STX8: variants seen among roughly 807,000 people sequenced by gnomAD.
STX8 encodes syntaxin 8.
In STX8, 23 loss-of-function variants were observed where a neutral mutation model predicts 37.5. The ratio of observed to expected loss-of-function variants is 0.61; its 90% CI spans 0.44 to 0.87. The LOEUF (loss-of-function observed/expected upper bound fraction) is 0.87. Among genes scored for constraint, STX8 ranks in the 40% least tolerant of loss-of-function variants. The probability of loss-of-function intolerance (pLI) is 0.00; values close to 1 mark genes in which losing one functional copy is unlikely to be tolerated. For missense variants in STX8, 313 were observed against 284.7 expected, an observed-to-expected ratio of 1.10 and a Z score of -0.71; for synonymous variants, 115 against 99.1, an observed-to-expected ratio of 1.16 and a Z score of -0.95.
intron 7 of STX8, among the ~76,000 whole-genome samples, chr17:9,331,620 T>C (rs1034806080): frequency 1.3e-5 from 2 of 152,216 alleles, no homozygotes; most frequent in Non-Finnish European, 2.9e-5. Context: ...AATCAATGAA[T>C]TGGACGTTTC....
At chr17:9,434,270 T>C (rs913869825) in intron 6 of STX8, among the ~76,000 whole-genome samples, 2 of 152,220 alleles carry the variant, frequency 1.3e-5, no homozygotes, top group African/African-American at 4.8e-5. Context: ...CCCAAAGTGC[T>C]GGGATTACAG....
chr17:9,527,487 C>A (rs187784682), intron 4 of STX8, among the ~76,000 whole-genome samples: 14 of 152,096 alleles, frequency 9.2e-5, no homozygotes, highest in Non-Finnish European at 2.1e-4. Context: ...TAAAATACAG[C>A]GTGATTAGGT....
chr17:9,502,955 A>C (rs951840899), intron 5 of STX8, among the ~76,000 whole-genome samples: 2 of 151,886 alleles, frequency 1.3e-5, no homozygotes, highest in Non-Finnish European at 2.9e-5. Context: ...ATACAAAAAA[A>C]ATTAGCTGGG....
chr17:9,346,749 C>T (rs1309352235), intron 7 of STX8, among the ~76,000 whole-genome samples: 1 of 152,204 alleles, frequency 6.6e-6, no homozygotes, highest in East Asian at 1.9e-4. Context: ...ATAGGGGTGG[C>T]TACACTGAAT....
intron 4 of STX8, among the ~76,000 whole-genome samples, chr17:9,517,246 G>A (rs898105361): frequency 6.6e-6 from 1 of 151,964 alleles, no homozygotes; most frequent in Admixed American, 6.6e-5. Flanking sequence ...TGTCTCCCAC[G>A]CTAGACTATA....
chr17:9,430,012 TTA>T (rs1913873088), intron 6 of STX8, among the ~76,000 whole-genome samples: 1 of 23,672 alleles, frequency 4.2e-5, no homozygotes, highest in South Asian at 1.0e-3. Context: ...ATATTATATA[TTA>T]TATATTATAT....
At chr17:9,447,453 T>G (rs577035943) in intron 6 of STX8, among the ~76,000 whole-genome samples, 3 of 152,336 alleles carry the variant, frequency 2.0e-5, no homozygotes, top group East Asian at 3.9e-4. Context: ...GACAGAGTCT[T>G]GCTCTGTTGC....
At chr17:9,412,650 A>G (rs1913023603) in intron 6 of STX8, among the ~76,000 whole-genome samples, 1 of 152,166 alleles carries the variant, frequency 6.6e-6, no homozygotes, top group African/African-American at 2.4e-5. Flanking sequence ...GAAGTTACTC[A>G]TGTGCATTCC....
chr17:9,542,004 A>T (rs979402110), intron 4 of STX8, among the ~76,000 whole-genome samples: 3 of 144,146 alleles, frequency 2.1e-5, no homozygotes, highest in Non-Finnish European at 4.5e-5. Flanking sequence ...AAACATTTGT[A>T]TTTTTTTTTT....
chr17:9,439,927 T>C (rs1006411204), intron 6 of STX8, among the ~76,000 whole-genome samples: 1 of 152,048 alleles, frequency 6.6e-6, no homozygotes, highest in African/African-American at 2.4e-5. Context: ...ACCCCAAAAG[T>C]ACCCCCGGCA....
intron 7 of STX8, among the ~76,000 whole-genome samples, chr17:9,295,770 T>A (rs1908500298): frequency 6.7e-6 from 1 of 149,888 alleles, no homozygotes; most frequent in Non-Finnish European, 1.5e-5. Flanking sequence ...GGAGGCTGGG[T>A]GCAGTGGCTC....
Position 9,568,375 on chromosome 17 carries a change from GGTGCCTTTTCA to G in STX8, c.102_112del (p.Glu35LysfsTer37). ...CTAATTCCTTCATGGTATTACCTTT[GGTGCCTTTTCA>G]CCTTTTCTTTCATATTGATTTCGTT... On this transcript the variant is annotated frameshift_variant, in exon 2 of 8. Coordinates refer to ENST00000306357, the MANE Select transcript of STX8 (RefSeq NM_004853.3). LOFTEE classifies it high-confidence loss of function. 1.9e-6 allele frequency: 3 copies of G among 1,609,420 alleles called. No individual in the cohort carries two copies. Among genetic ancestry groups the G allele is most frequent in the South Asian group, 2.2e-5 (2 of 90,684 alleles).
intron 6 of STX8, among the ~76,000 whole-genome samples, chr17:9,423,102 T>C (rs1180580365): frequency 6.6e-6 from 1 of 152,196 alleles, no homozygotes; most frequent in Non-Finnish European, 1.5e-5. Context: ...AATAAGTGCA[T>C]ATATACATAT....
At chr17:9,252,930 GTGACACCGTCT>G (rs779297676) in intron 7 of STX8, among the ~76,000 whole-genome samples, 4,656 of 109,228 alleles carry the variant, frequency 0.043, 109 homozygotes, top group Non-Finnish European at 0.069. Context: ...AGGAGGAGAT[GTGACACCGTCT>G]GTGGTCTGCA....
intron 7 of STX8, among the ~76,000 whole-genome samples, chr17:9,302,217 T>C (rs1041661979): frequency 6.6e-6 from 1 of 152,188 alleles, no homozygotes. Context: ...TTATAAATAG[T>C]ATTCTCTAAT....
intron 7 of STX8, among the ~76,000 whole-genome samples, chr17:9,363,692 G>A (rs1911138253): frequency 1.3e-5 from 2 of 152,140 alleles, no homozygotes; most frequent in Admixed American, 1.3e-4. Context: ...AATAAGAACA[G>A]AAACCACTCT....
intron 7 of STX8, among the ~76,000 whole-genome samples, chr17:9,281,956 A>G (rs1348943328): frequency 6.6e-6 from 1 of 152,188 alleles, no homozygotes; most frequent in Non-Finnish European, 1.5e-5. Context: ...TGGGTCTAGC[A>G]TCGACAGCTG....
intron 7 of STX8, among the ~76,000 whole-genome samples, chr17:9,266,431 T>A (rs1297766446): frequency 6.6e-6 from 1 of 152,182 alleles, no homozygotes; most frequent in Non-Finnish European, 1.5e-5. Context: ...CTGAAACTGA[T>A]GACGCTTGCC....
At chr17:9,520,004 A>G (rs6503224) in intron 4 of STX8, among the ~76,000 whole-genome samples, 135,897 of 152,094 alleles carry the variant, frequency 0.89, 61,104 homozygotes, top group East Asian at 0.99. Flanking sequence ...TTAGTTATTT[A>G]CTCATCTGTC....
Sources: gnomAD v4.1 joint callset for allele counts (sites outside exome capture counted in the v4.1 genomes callset) on GRCh38, gnomAD v4.1.1 for gene constraint, MANE v1.5 for transcripts, NCBI Gene and HGNC (gene_info 2026-07-23, HGNC 2026-07-21) for gene names.